KCNC1: variants seen among roughly 807,000 people sequenced by gnomAD.
KCNC1 encodes the protein potassium voltage-gated channel subfamily C member 1.
A neutral mutation model predicts 43.4 loss-of-function variants in KCNC1; 8 were observed. The ratio of observed to expected loss-of-function variants is 0.18; its 90% confidence interval spans 0.11 to 0.33. The LOEUF (loss-of-function observed/expected upper bound fraction) is 0.33, where lower values mean the gene tolerates loss of function less well. Ranked by LOEUF, KCNC1 falls within the 10% of genes least tolerant of loss-of-function variation. The pLI is 1.00. For synonymous variants in KCNC1, 361 were observed against 360.5 expected (o/e 1.00, Z -0.01); for missense variants, 420 against 836.0 (o/e 0.50, Z 6.14).
Position 17,736,218 on chromosome 11 carries a change from C to G in KCNC1, c.216C>G (p.Arg72=). ...TCGCGCACATCCTGAACTACTACCGCACGGGCAAGCTGCACTGCCCAGCCG... is the reference window on the plus strand; with the variant it reads ...TCGCGCACATCCTGAACTACTACCGGACGGGCAAGCTGCACTGCCCAGCCG... ...GVFAHILNYY[R]TGKLHCPADV... The change falls in exon 1 of 4, where the codon CGC becomes CGG. Residue 72 remains arginine (R), a synonymous_variant. Coordinates refer to ENST00000265969, the MANE Select transcript of KCNC1 (RefSeq NM_001112741.2). The surrounding 1 kb of genome is among the most constrained non-coding windows in gnomAD (Gnocchi z 9.3). The G allele has an allele frequency of 6.2e-7, 1 of 1,613,880 alleles. No homozygotes were observed. Among genetic ancestry groups the G allele is most frequent in the East Asian group, 2.2e-5 (1 of 44,876 alleles).
At position 17,772,215 on chromosome 11, in the gene KCNC1, A is replaced by G. The variant is rs763375200; in HGVS notation, c.1121A>G (p.Asn374Ser). Reference sequence around the variant, plus strand: ...GCCGAGAGGATAGGGGCACAGCCCAATGACCCCAGCGCCAGTGAGCACACG... The same window carrying G: ...GCCGAGAGGATAGGGGCACAGCCCAGTGACCCCAGCGCCAGTGAGCACACG... Reference protein sequence around the residue: ...YYAERIGAQPNDPSASEHTHF... With the variant: ...YYAERIGAQPSDPSASEHTHF... The change falls in exon 2 of 4, where the codon AAT (asparagine) becomes AGT (serine). Residue 374 changes from asparagine (N) to serine (S), a missense_variant. Physicochemically the swap from Asn to Ser is conservative, Grantham distance 46. This residue lies in a region of KCNC1 where 58 missense variants were observed against 256.9 expected (regional missense o/e 0.23). Coordinates refer to ENST00000265969, the MANE Select transcript of KCNC1 (RefSeq NM_001112741.2). 5.0e-6 allele frequency: 8 copies of G among 1,613,968 alleles called. No individual in the cohort carries two copies. Among genetic ancestry groups the G allele is most frequent in the South Asian group, 1.1e-5 (1 of 91,084 alleles).
chr11:17,737,936 G>A (rs1848788299), intron 1 of KCNC1, among the ~76,000 whole-genome samples: 1 of 152,124 alleles, frequency 6.6e-6, no homozygotes, highest in Admixed American at 6.5e-5. Flanking sequence ...CATGGGCAAA[G>A]AAAGTCTGTG....
chr11:17,738,483 C>T (rs1234607166), intron 1 of KCNC1, among the ~76,000 whole-genome samples: 1 of 152,198 alleles, frequency 6.6e-6, no homozygotes, highest in Non-Finnish European at 1.5e-5. Flanking sequence ...GGGGTAGGCT[C>T]AGTCTCCTGA....
chr11:17,740,445 G>T (rs1848824937), intron 1 of KCNC1, among the ~76,000 whole-genome samples: 1 of 152,132 alleles, frequency 6.6e-6, no homozygotes, highest in Non-Finnish European at 1.5e-5. Flanking sequence ...AGAGGGCAGG[G>T]GGGTCATAGA....
intron 2 of KCNC1, chr11:17,775,257 G>A: frequency 3.0e-6 from 3 of 985,562 alleles, no homozygotes; most frequent in Non-Finnish European, 2.4e-6. Context: ...GGGGCTGTGT[G>A]TGGCACGCTG....
chr11:17,740,169 G>T (rs1848821874), intron 1 of KCNC1, among the ~76,000 whole-genome samples: 1 of 152,192 alleles, frequency 6.6e-6, no homozygotes, highest in Non-Finnish European at 1.5e-5. Flanking sequence ...GGGCAAGAGT[G>T]CCGGCTGCTG....
chr11:17,736,497 T>C lies in KCNC1; in HGVS notation c.495T>C (p.Pro165=), dbSNP rs1328958275. ...TCAGTGACTCCCCGGATGGCCGGCCTGGCGGCTTTTGGCGCCGCTGGCAGC... is the reference window on the plus strand; with the variant it reads ...TCAGTGACTCCCCGGATGGCCGGCCCGGCGGCTTTTGGCGCCGCTGGCAGC... The part of the protein sequence containing the change: ...LALSDSPDGR[P]GGFWRRWQPR... Residue 165 remains proline (P), a synonymous_variant, in exon 1 of 4, where the codon CCT becomes CCC. Transcript: ENST00000265969. The surrounding 1 kb of genome is among the most constrained non-coding windows in gnomAD (Gnocchi z 9.3). 2 of 1,591,272 alleles carry C rather than the reference T, an allele frequency of 1.3e-6. No homozygotes were observed. The highest frequency in any genetic ancestry group is 8.5e-7 in the Non-Finnish European group (1 of 1,174,684).
chr11:17,764,135 ACC>A (rs563423204), intron 1 of KCNC1, among the ~76,000 whole-genome samples: 1 of 124,804 alleles, frequency 8.0e-6, no homozygotes, highest in Non-Finnish European at 1.6e-5. Context: ...ACACACACAC[ACC>A]CCCCCACAAA....
rs140001913 is a variant in KCNC1, at chr11:17,740,592, C to T, written c.570+4020C>T. ...CATGTCATCATCAGGGACGTTGTTG[C>T]GTCCCATCAGGGCCAATGGTGGTCC... On this transcript the variant is annotated intron_variant, in intron 1 of 3. Coordinates refer to ENST00000265969, the MANE Select transcript of KCNC1 (RefSeq NM_001112741.2). Among the ~76,000 whole-genome samples, 287 of 152,228 alleles carry T rather than the reference C, an allele frequency of 1.9e-3. 2 individuals are homozygous for T. The highest frequency in any genetic ancestry group is 2.4e-3 in the Admixed American group (37 of 15,302).
intron 1 of KCNC1, among the ~76,000 whole-genome samples, chr11:17,754,314 T>A (rs1849000277): frequency 6.6e-6 from 1 of 152,148 alleles, no homozygotes; most frequent in Non-Finnish European, 1.5e-5. Context: ...GCTGGTTGAG[T>A]CACAGATTGG....
intron 1 of KCNC1, among the ~76,000 whole-genome samples, chr11:17,758,068 A>G (rs1472510748): frequency 6.6e-6 from 1 of 152,248 alleles, no homozygotes; most frequent in East Asian, 1.9e-4. Flanking sequence ...TCAAAACTGA[A>G]GTCAATCCTC....
intron 2 of KCNC1, chr11:17,775,281 T>TACCAA: frequency 1.1e-6 from 1 of 935,850 alleles, no homozygotes; most frequent in Non-Finnish European, 1.3e-6. Context: ...TCTGAGGGCA[T>TACCAA]CCCTCCCGCC....
chr11:17,763,381 C>A (rs1276191696), intron 1 of KCNC1, among the ~76,000 whole-genome samples: 1 of 151,944 alleles, frequency 6.6e-6, no homozygotes, highest in Non-Finnish European at 1.5e-5. Context: ...ATGGTCAGGG[C>A]CCTGGGTTGA....
intron 1 of KCNC1, among the ~76,000 whole-genome samples, chr11:17,761,809 C>T (rs1849081559): frequency 6.6e-6 from 1 of 152,190 alleles, no homozygotes; most frequent in Admixed American, 6.5e-5. Context: ...TTTCTGTTCC[C>T]ACCCGTAACT....
In KCNC1 at chr11:17,735,892, G is replaced by T. The variant is rs1848759405; in HGVS notation, c.-111G>T. 1 of 1,256,472 alleles carries T rather than the reference G, an allele frequency of 8.0e-7. No individual in the cohort carries two copies. Among genetic ancestry groups the T allele is most frequent in the Admixed American group, 3.7e-5 (1 of 26,880 alleles). The allele number at this position is 1,256,472 out of a possible 1,614,324, so 77.8% of individuals were successfully genotyped here. A position where few individuals can be genotyped will look rare whatever the true frequency, so the allele number is the denominator to read the frequency against. On this transcript the variant is annotated 5_prime_UTR_variant, in exon 1 of 4. Coordinates refer to ENST00000265969, the MANE Select transcript of KCNC1 (RefSeq NM_001112741.2). This position sits in a 1 kb window ranked among gnomAD's most constrained non-coding sequence, Gnocchi z 6.7. ...CCGCAGGCCTCTGTTCCCCCCGACG[G>T]CTGGGGGGAGGGGGGAAGAGGGCGC...
At position 17,739,940 on chromosome 11, in the gene KCNC1, C is replaced by T. The variant is rs1014715103; in HGVS notation, c.570+3368C>T. ...GAAGATGAGATTCCAGAGCTGCTTC[C>T]TGCCCACTGCCTCAGTCTCTGGGAC... On this transcript the variant is annotated intron_variant, in intron 1 of 3. Transcript: ENST00000265969. The surrounding 1 kb of genome is among the most constrained non-coding windows in gnomAD (Gnocchi z 4.2). 1.0e-3 allele frequency among the ~76,000 whole-genome samples: 155 copies of T among 152,298 alleles called. No individual in the cohort carries two copies. The highest frequency in any genetic ancestry group is 3.6e-3 in the African/African-American group (151 of 41,544).
At position 17,782,333 on chromosome 11, in the gene KCNC1, G is replaced by A. The variant is rs1198010664; in HGVS notation, c.*599G>A. ...ACCTTCATAGTTCATCTCTCACGTGGAAACTGAGAACTTTGCTCCAAATAG... is the reference window on the plus strand; with the variant it reads ...ACCTTCATAGTTCATCTCTCACGTGAAAACTGAGAACTTTGCTCCAAATAG... On this transcript the variant is annotated 3_prime_UTR_variant, in exon 4 of 4. Coordinates refer to ENST00000265969, the MANE Select transcript of KCNC1 (RefSeq NM_001112741.2). 6.6e-6 allele frequency: 1 copy of A among 152,130 alleles called. No homozygotes were observed. Among genetic ancestry groups the A allele is most frequent in the East Asian group, 1.9e-4 (1 of 5,194 alleles). 9.4% of individuals were successfully genotyped at this position (152,130 alleles called of 1,614,324 possible).
chr11:17,775,860 T>C (rs1275456898), intron 2 of KCNC1: 1 of 985,388 alleles, frequency 1.0e-6, no homozygotes, highest in Non-Finnish European at 1.2e-6. Flanking sequence ...CTGGGCTCCC[T>C]GGGAGCTAAC....
Position 17,781,492 on chromosome 11 carries a change from A to G in KCNC1, c.1694-178A>G, listed in dbSNP as rs1849345173. 2 of 581,570 alleles carry G rather than the reference A, an allele frequency of 3.4e-6. No individual in the cohort carries two copies. Among genetic ancestry groups the G allele is most frequent in the African/African-American group, 3.7e-5 (2 of 53,350 alleles). The allele number at this position is 581,570 out of a possible 1,614,324, so 36.0% of individuals were successfully genotyped here. A position where few individuals can be genotyped will look rare whatever the true frequency, so the allele number is the denominator to read the frequency against. On this transcript the variant is annotated intron_variant, in intron 3 of 3. Transcript: ENST00000265969. The surrounding 1 kb of genome is among the most constrained non-coding windows in gnomAD (Gnocchi z 5.1). Reference sequence around the variant, plus strand: ...CATCCCATTCCCCCAGGAGGGAGAGAAAGAGGCGTGCTAGGCTGGCTCAGT... The same window carrying G: ...CATCCCATTCCCCCAGGAGGGAGAGGAAGAGGCGTGCTAGGCTGGCTCAGT...
Sources: gnomAD v4.1 joint callset for allele counts (sites outside exome capture counted in the v4.1 genomes callset) on GRCh38, gnomAD v4.1.1 for gene constraint, gnomAD v4.1.1 regional missense constraint, Gnocchi (gnomAD v3.1) non-coding constraint, MANE v1.5 for transcripts, NCBI Gene and HGNC (gene_info 2026-07-23, HGNC 2026-07-21) for gene names.